The following TEX9 variants were observed in gnomAD, a reference collection of about 807,000 sequenced individuals.
The protein encoded by TEX9 is testis expressed 9, also known as testis-expressed protein 9.
TEX9 carries 74 observed loss-of-function variants against 59.6 expected under a neutral mutation model. That is an observed-to-expected ratio of 1.24 (90% CI 1.03 to 1.51). The LOEUF (loss-of-function observed/expected upper bound fraction) is 1.51, where lower values mean the gene tolerates loss of function less well. Among genes scored for constraint, TEX9 ranks in the 40% most tolerant of loss-of-function variants. The pLI, the probability that TEX9 is intolerant of heterozygous loss-of-function variation, is 0.00. For synonymous variants in TEX9, 186 were observed against 152.2 expected (o/e 1.22, Z -1.64); for missense variants, 522 against 447.8 (o/e 1.17, Z -1.49).
At chr15:56,339,400 A>AAAAAAAAAAAAAAAAAAAAAC (rs2046326968) in intron 1 of TEX9, among the ~76,000 whole-genome samples, 1 of 135,246 alleles carries the variant, frequency 7.4e-6, no homozygotes, top group African/African-American at 2.6e-5. Context: ...AAAAAAAAAA[A>AAAAAAAAAAAAAAAAAAAAAC]AAAAAAAAAA....
intron 2 of TEX9, among the ~76,000 whole-genome samples, chr15:56,368,026 G>A (rs574630433): frequency 3.9e-5 from 6 of 152,110 alleles, no homozygotes; most frequent in East Asian, 3.9e-4. Context: ...AGGACTTCCC[G>A]TGTGATATGG....
intron 1 of TEX9, among the ~76,000 whole-genome samples, chr15:56,249,742 C>CAAAAAAAAAA (rs11440856): frequency 7.9e-5 from 2 of 25,456 alleles, no homozygotes; most frequent in Non-Finnish European, 1.5e-4. Context: ...GGATCTGTCT[C>CAAAAAAAAAA]AAAAAAAAAA....
intron 4 of TEX9, among the ~76,000 whole-genome samples, chr15:56,385,852 A>G (rs138257374): frequency 2.7e-4 from 41 of 152,262 alleles, no homozygotes; most frequent in African/African-American, 9.6e-4. Flanking sequence ...CTTATTACTG[A>G]CATGGCAGTA....
At chr15:56,448,465 C>CTA (rs113731622), downstream of TEX9, among the ~76,000 whole-genome samples, 4,719 of 152,156 alleles carry the variant, frequency 0.031, 183 homozygotes, top group East Asian at 0.093. Context: ...TAGCTCCCAC[C>CTA]TATAAGTGAG....
At chr15:56,389,241 C>T in intron 5 of TEX9, 77 bp from the exon 6 acceptor site, 1 of 1,138,072 alleles carries the variant, frequency 8.8e-7, no homozygotes, top group Non-Finnish European at 1.3e-6. Flanking sequence ...TAGCAAAATT[C>T]TATGTGTTAC....
intron 4 of TEX9, among the ~76,000 whole-genome samples, chr15:56,385,924 G>A (rs1413037658): frequency 2.6e-5 from 4 of 151,872 alleles, no homozygotes; most frequent in South Asian, 2.1e-4. Flanking sequence ...TATTGCATGC[G>A]ATCCAGTATT....
intron 3 of TEX9, among the ~76,000 whole-genome samples, chr15:56,382,517 A>G (rs1259317260): frequency 5.9e-5 from 9 of 152,196 alleles, no homozygotes; most frequent in South Asian, 2.1e-4. Context: ...ATGGCCTGCT[A>G]TTAATACCTT....
chr15:56,324,632 GA>G (rs2045981939), intron 1 of TEX9, among the ~76,000 whole-genome samples: 1 of 152,184 alleles, frequency 6.6e-6, no homozygotes, highest in South Asian at 2.1e-4. Flanking sequence ...ACAAAGTATG[GA>G]AATGTGGTGA....
At chr15:56,458,162 T>A in the TEX9 span, among the ~76,000 whole-genome samples, 1 of 152,256 alleles carries the variant, frequency 6.6e-6, no homozygotes, top group African/African-American at 2.4e-5. Context: ...TTGGTACATG[T>A]TATTTTTTAA....
At chr15:56,460,009 A>AAAAAAATATATATATATATAT in the TEX9 span, among the ~76,000 whole-genome samples, 8 of 26,380 alleles carry the variant, frequency 3.0e-4, 1 homozygote, top group Admixed American at 2.2e-3. Context: ...AAAAAAAAAA[A>AAAAAAATATATATATATATAT]ATACATATAT....
chr15:56,396,575 T>TC (rs1332950756), intron 9 of TEX9: 4 of 151,108 alleles, frequency 2.6e-5, no homozygotes, highest in Non-Finnish European at 5.9e-5. Context: ...TCTGTTTTTT[T>TC]TTTTTTTTTT....
intron 10 of TEX9, among the ~76,000 whole-genome samples, chr15:56,422,589 C>A (rs1391307055): frequency 6.6e-6 from 1 of 151,794 alleles, no homozygotes; most frequent in Non-Finnish European, 1.5e-5. Flanking sequence ...CATTACCCCC[C>A]ACCCTTTCTG....
chr15:56,255,580 A>G (rs952099923), intron 1 of TEX9, among the ~76,000 whole-genome samples: 2 of 152,120 alleles, frequency 1.3e-5, no homozygotes, highest in African/African-American at 4.8e-5. Context: ...CAAATATAGT[A>G]ACAATGTTAG....
At chr15:56,351,472 A>G (rs1157569175) in intron 1 of TEX9, among the ~76,000 whole-genome samples, 1 of 152,196 alleles carries the variant, frequency 6.6e-6, no homozygotes, top group Non-Finnish European at 1.5e-5. Flanking sequence ...TTGAATATAA[A>G]AAAAGTTATG....
chr15:56,376,660 C>T (rs975917219), intron 3 of TEX9, among the ~76,000 whole-genome samples: 1 of 151,816 alleles, frequency 6.6e-6, no homozygotes, highest in South Asian at 2.1e-4. Context: ...ATTTTCTACC[C>T]TTGTCGATGG....
intron 1 of TEX9, among the ~76,000 whole-genome samples, chr15:56,273,063 T>G (rs1487947437): frequency 6.6e-6 from 1 of 151,960 alleles, no homozygotes; most frequent in African/African-American, 2.4e-5. Context: ...AAGCAATTCT[T>G]CTGCTGCAGC....
Position 56,339,383 on chromosome 15 carries a change from C to CAA in TEX9, c.-106-34028_-106-34027dup, listed in dbSNP as rs71456382. ...GGGTGTCAGAGCAAGACTCCTTCTCCAAAAAAAAAAAAAAAAAAAAAAAAA... is the reference window on the plus strand; with the variant it reads ...GGGTGTCAGAGCAAGACTCCTTCTCCAAAAAAAAAAAAAAAAAAAAAAAAAAA... On this transcript the variant is annotated intron_variant, in intron 1 of 5. Transcript: ENST00000560827. Among the ~76,000 whole-genome samples, 107 of 30,758 alleles carry CAA rather than the reference C, an allele frequency of 3.5e-3. 12 individuals are homozygous for CAA. Among genetic ancestry groups the CAA allele is most frequent in the African/African-American group, 0.012 (99 of 8,316 alleles). The allele number at this position is 30,758 out of a possible 152,430, so 20.2% of individuals were successfully genotyped here. A position where few individuals can be genotyped will look rare whatever the true frequency, so the allele number is the denominator to read the frequency against.
intron 2 of TEX9, chr15:56,365,908 T>A: frequency 1.5e-6 from 2 of 1,349,538 alleles, no homozygotes; most frequent in Non-Finnish European, 9.5e-7. Flanking sequence ...GCATGTTGTT[T>A]AATTTAAAAC....
At chr15:56,285,024 TTATC>T (rs1288845882) in intron 1 of TEX9, among the ~76,000 whole-genome samples, 1 of 152,190 alleles carries the variant, frequency 6.6e-6, no homozygotes, top group Admixed American at 6.5e-5. Context: ...ATAACTTTAT[TTATC>T]TAAGATGTTA....
Sources: gnomAD v4.1 joint callset for allele counts (sites outside exome capture counted in the v4.1 genomes callset) on GRCh38, gnomAD v4.1.1 for gene constraint, MANE v1.5 for transcripts, NCBI Gene and HGNC (gene_info 2026-07-23, HGNC 2026-07-21) for gene names.